Variants in DLG2 observed in about 807,000 individuals in gnomAD.
DLG2 encodes discs large MAGUK scaffold protein 2, also known as disks large homolog 2.
In DLG2, 45 loss-of-function variants were observed where a neutral mutation model predicts 132.5. The ratio of observed to expected loss-of-function variants is 0.34; its 90% confidence interval spans 0.27 to 0.44. The LOEUF is 0.44. DLG2 is among the 20% of genes least tolerant of loss of function. The probability of loss-of-function intolerance (pLI) is 1.00; values close to 1 mark genes in which losing one functional copy is unlikely to be tolerated. For missense variants in DLG2, 1,045 were observed against 1,196.9 expected (o/e 0.87, Z 1.87); for synonymous variants, 424 against 419.6 (o/e 1.01, Z -0.13).
At chr11:84,481,524 G>C (rs1276218323) in intron 7 of DLG2, among the ~76,000 whole-genome samples, 1 of 151,982 alleles carries the variant, frequency 6.6e-6, no homozygotes, top group African/African-American at 2.4e-5. Flanking sequence ...TCATGTGAAG[G>C]GCCATACGTA....
At chr11:84,627,881 A>G (rs552707557) in intron 6 of DLG2, among the ~76,000 whole-genome samples, 59 of 152,136 alleles carry the variant, frequency 3.9e-4, no homozygotes, top group African/African-American at 8.7e-4. Flanking sequence ...GAACTCACTC[A>G]CTATCTCAAG....
intron 18 of DLG2, among the ~76,000 whole-genome samples, chr11:83,726,203 C>T (rs1283420576): frequency 6.6e-6 from 1 of 152,174 alleles, no homozygotes; most frequent in African/African-American, 2.4e-5. Context: ...TGCTTGGAGA[C>T]TAAAAACATT....
At chr11:85,071,865 A>G (rs1236131922) in intron 6 of DLG2, among the ~76,000 whole-genome samples, 2 of 151,844 alleles carry the variant, frequency 1.3e-5, no homozygotes, top group Non-Finnish European at 2.9e-5. Context: ...TCAGAAATGG[A>G]AAACATTTCT....
At chr11:84,154,173 T>C (rs1205305225) in intron 9 of DLG2, among the ~76,000 whole-genome samples, 1 of 152,144 alleles carries the variant, frequency 6.6e-6, no homozygotes, top group Non-Finnish European at 1.5e-5. Context: ...AATTTTTGTA[T>C]TTTTAATACA....
intron 7 of DLG2, among the ~76,000 whole-genome samples, chr11:84,522,954 C>A (rs990649304): frequency 2.0e-5 from 3 of 152,106 alleles, no homozygotes; most frequent in Non-Finnish European, 2.9e-5. Flanking sequence ...CAAAATGTCC[C>A]CAACTCATTT....
At chr11:85,029,705 T>A (rs966372315) in intron 6 of DLG2, among the ~76,000 whole-genome samples, 3 of 152,156 alleles carry the variant, frequency 2.0e-5, no homozygotes, top group Non-Finnish European at 4.4e-5. Flanking sequence ...CTATAACAAG[T>A]GGAGCTGTAA....
intron 3 of DLG2, among the ~76,000 whole-genome samples, chr11:85,335,804 G>A (rs529602629): frequency 6.6e-6 from 1 of 151,906 alleles, no homozygotes; most frequent in Non-Finnish European, 1.5e-5. Context: ...AGGGGGTGGG[G>A]GACTAGGGGA....
chr11:84,871,511 T>C (rs1014417278), intron 6 of DLG2, among the ~76,000 whole-genome samples: 1 of 152,134 alleles, frequency 6.6e-6, no homozygotes, highest in Non-Finnish European at 1.5e-5. Flanking sequence ...TAGTGAAGCT[T>C]GAGGAAACCA....
chr11:85,612,280 T>G (rs1308194880), intron 2 of DLG2, among the ~76,000 whole-genome samples: 1 of 152,218 alleles, frequency 6.6e-6, no homozygotes, highest in Non-Finnish European at 1.5e-5. Context: ...CCCAGCAGGT[T>G]TCCCAACAAG....
intron 6 of DLG2, among the ~76,000 whole-genome samples, chr11:84,883,350 C>T (rs1219913855): frequency 6.6e-6 from 1 of 151,908 alleles, no homozygotes; most frequent in Non-Finnish European, 1.5e-5. Context: ...AAGACAAATA[C>T]CTAATGTATG....
intron 6 of DLG2, among the ~76,000 whole-genome samples, chr11:84,686,630 G>GTTTTTTTTTTTTTTTTTT: frequency 8.8e-6 from 1 of 113,806 alleles, no homozygotes; most frequent in Non-Finnish European, 1.8e-5. Context: ...TGGCCTTGAG[G>GTTTTTTTTTTTTTTTTTT]TTTTTTTTTT....
intron 7 of DLG2, among the ~76,000 whole-genome samples, chr11:84,319,495 G>A (rs1034688537): frequency 7.9e-5 from 12 of 152,096 alleles, no homozygotes; most frequent in Admixed American, 4.6e-4. Flanking sequence ...ACACATGTCC[G>A]GTTCTCATCC....
chr11:85,463,506 C>T (rs1046996361), intron 3 of DLG2, among the ~76,000 whole-genome samples: 1 of 152,148 alleles, frequency 6.6e-6, no homozygotes, highest in African/African-American at 2.4e-5. Flanking sequence ...GGGATGGGTG[C>T]AGTGGCTTGT....
chr11:85,570,763 TCA>T (rs750549015), intron 3 of DLG2, among the ~76,000 whole-genome samples: 14 of 152,172 alleles, frequency 9.2e-5, no homozygotes, highest in Non-Finnish European at 2.1e-4. Flanking sequence ...TAATTGTGTC[TCA>T]CAGATCTCTA....
chr11:85,026,337 C>T (rs941031684), intron 6 of DLG2, among the ~76,000 whole-genome samples: 6 of 151,942 alleles, frequency 3.9e-5, no homozygotes, highest in African/African-American at 1.2e-4. Flanking sequence ...AACGGAATTG[C>T]AAATCCCAAC....
intron 6 of DLG2, among the ~76,000 whole-genome samples, chr11:85,078,019 T>G (rs1246365756): frequency 6.6e-6 from 1 of 151,948 alleles, no homozygotes; most frequent in East Asian, 1.9e-4. Flanking sequence ...ATTTCAACTT[T>G]AATTCAGGTA....
chr11:84,023,071 C>A (rs2095439976), intron 11 of DLG2, among the ~76,000 whole-genome samples: 1 of 151,976 alleles, frequency 6.6e-6, no homozygotes, highest in South Asian at 2.1e-4. Flanking sequence ...TCAATCCAAC[C>A]TGAAGATACC....
At chr11:84,435,362 G>T (rs1383681062) in intron 7 of DLG2, among the ~76,000 whole-genome samples, 1 of 152,144 alleles carries the variant, frequency 6.6e-6, no homozygotes, top group Non-Finnish European at 1.5e-5. Context: ...CATCGACTGA[G>T]TGCCTACATT....
chr11:85,187,220 T>A (rs1315672366), intron 4 of DLG2, among the ~76,000 whole-genome samples: 2 of 152,036 alleles, frequency 1.3e-5, no homozygotes, highest in African/African-American at 4.8e-5. Context: ...CTTTACATAA[T>A]AAAATTATCC....
Sources: allele counts gnomAD v4.1 joint callset (sites outside exome capture counted in the v4.1 genomes callset), GRCh38; gene constraint gnomAD v4.1.1; transcripts MANE v1.5; gene names NCBI Gene and HGNC (gene_info 2026-07-23, HGNC 2026-07-21).